Variants in NRXN1 observed in about 807,000 individuals in gnomAD.
NRXN1 encodes the protein neurexin 1.
NRXN1 carries 39 observed loss-of-function variants against 150.9 expected under a neutral mutation model. The ratio of observed to expected loss-of-function variants is 0.26; its 90% CI spans 0.20 to 0.34. The LOEUF is 0.34. Ranked by LOEUF, NRXN1 falls within the 10% of genes least tolerant of loss-of-function variation. The pLI, the probability that NRXN1 is intolerant of heterozygous loss-of-function variation, is 1.00. For missense variants in NRXN1, 1,815 were observed against 1,949.9 expected (o/e 0.93, Z 1.30); for synonymous variants, 924 against 757.0 (o/e 1.22, Z -3.62).
chr2:50,631,649 G>A (rs1390208962), intron 5 of NRXN1, among the ~76,000 whole-genome samples: 2 of 151,910 alleles, frequency 1.3e-5, no homozygotes, highest in South Asian at 4.1e-4. Context: ...CAAAACTCTA[G>A]TACGATAATT....
At chr2:50,573,083 T>C (rs1425256153) in intron 8 of NRXN1, among the ~76,000 whole-genome samples, 2 of 152,156 alleles carry the variant, frequency 1.3e-5, no homozygotes, top group Non-Finnish European at 2.9e-5. Flanking sequence ...TATAAAATTA[T>C]ATCAGTCCAG....
chr2:50,274,031 T>C (rs549101686), intron 17 of NRXN1, among the ~76,000 whole-genome samples: 2 of 152,272 alleles, frequency 1.3e-5, no homozygotes, highest in African/African-American at 2.4e-5. Flanking sequence ...ACTGGGTATA[T>C]ACCCAAAGGA....
intron 12 of NRXN1, among the ~76,000 whole-genome samples, chr2:50,522,173 A>T (rs1276169243): frequency 1.3e-5 from 2 of 152,170 alleles, no homozygotes; most frequent in East Asian, 3.9e-4. Flanking sequence ...AAATAAAAAC[A>T]TCTGGCCAAC....
chr2:50,506,060 G>A (rs1455307748), intron 13 of NRXN1, among the ~76,000 whole-genome samples: 1 of 151,990 alleles, frequency 6.6e-6, no homozygotes, highest in Non-Finnish European at 1.5e-5. Flanking sequence ...ATGAAAAAGT[G>A]TTTCATCTGA....
chr2:50,562,346 G>C (rs1459757500), intron 8 of NRXN1, among the ~76,000 whole-genome samples: 1 of 151,936 alleles, frequency 6.6e-6, no homozygotes. Flanking sequence ...TAGATAGATA[G>C]ATAGATAGAT....
chr2:50,169,996 A>T (rs1042253976), intron 18 of NRXN1, among the ~76,000 whole-genome samples: 2 of 152,100 alleles, frequency 1.3e-5, no homozygotes, highest in Non-Finnish European at 2.9e-5. Flanking sequence ...AAAATCTCAA[A>T]TATTTCTGAT....
At chr2:50,183,536 A>C (rs2060873909) in intron 18 of NRXN1, among the ~76,000 whole-genome samples, 1 of 151,820 alleles carries the variant, frequency 6.6e-6, no homozygotes. Context: ...TAAAAAAAAT[A>C]TATATTTTTA....
chr2:51,009,456 C>G (rs1057063063), intron 2 of NRXN1, among the ~76,000 whole-genome samples: 1 of 151,760 alleles, frequency 6.6e-6, no homozygotes, highest in East Asian at 1.9e-4. Flanking sequence ...CATAATATAT[C>G]GGGACAAAAG....
intron 21 of NRXN1, among the ~76,000 whole-genome samples, chr2:50,005,768 C>A (rs1272131435): frequency 6.6e-6 from 1 of 152,148 alleles, no homozygotes; most frequent in Non-Finnish European, 1.5e-5. Context: ...GCACCAAATT[C>A]TACAGTTCTC....
At chr2:50,249,988 C>T (rs755394911) in intron 17 of NRXN1, among the ~76,000 whole-genome samples, 25 of 152,124 alleles carry the variant, frequency 1.6e-4, no homozygotes, top group Non-Finnish European at 2.8e-4. Flanking sequence ...TAATACCATC[C>T]GCATCAAGTT....
At chr2:50,444,324 TGAAATG>T (rs2086216455) in intron 17 of NRXN1, among the ~76,000 whole-genome samples, 1 of 152,196 alleles carries the variant, frequency 6.6e-6, no homozygotes, top group Non-Finnish European at 1.5e-5. Flanking sequence ...TTTAATTTTC[TGAAATG>T]CAAGGGGATG....
intron 18 of NRXN1, among the ~76,000 whole-genome samples, chr2:50,159,690 T>C (rs1456665252): frequency 6.6e-6 from 1 of 152,152 alleles, no homozygotes; most frequent in Non-Finnish European, 1.5e-5. Flanking sequence ...TTCATTGGTG[T>C]TCTCTGTCTG....
In NRXN1 at chr2:50,559,734, A is replaced by G. The variant is rs150969340; in HGVS notation, c.1321-6709T>C. On this transcript the variant is annotated intron_variant, in intron 8 of 22. Transcript: ENST00000401669. ...GTTAGAATATATGGTATATCTCTCA[A>G]CAGATATATAGATAAGTAGATAATA... 9.8e-5 allele frequency among the ~76,000 whole-genome samples: 15 copies of G among 152,316 alleles called. No individual in the cohort carries two copies. The East Asian group carries it at 2.9e-3, about 29-fold the overall frequency.
At chr2:50,564,955 T>G (rs1313821998) in intron 8 of NRXN1, among the ~76,000 whole-genome samples, 1 of 152,186 alleles carries the variant, frequency 6.6e-6, no homozygotes, top group Admixed American at 6.6e-5. Flanking sequence ...AGAAAATTTT[T>G]GGCAGCATTT....
chr2:50,140,702 T>C (rs1390482669), intron 18 of NRXN1, among the ~76,000 whole-genome samples: 1 of 151,936 alleles, frequency 6.6e-6, no homozygotes, highest in Non-Finnish European at 1.5e-5. Context: ...ATGTTGATGT[T>C]TATGTGAAAC....
chr2:50,585,320 A>T (rs1049661738), intron 8 of NRXN1, among the ~76,000 whole-genome samples: 1 of 152,192 alleles, frequency 6.6e-6, no homozygotes, highest in African/African-American at 2.4e-5. Context: ...TATCTAAAGT[A>T]GTCAACTCCA....
chr2:50,978,267 T>TATAC (rs1368690194), intron 2 of NRXN1, among the ~76,000 whole-genome samples: 4 of 48,512 alleles, frequency 8.2e-5, no homozygotes, highest in African/African-American at 2.4e-4. Flanking sequence ...ATATGGATAT[T>TATAC]ATACATATAT....
rs138397640 is a variant in NRXN1 at position 50,330,548 on chromosome 2, A to C, written c.3365-93578T>G. Among the ~76,000 whole-genome samples, 786 of 152,226 alleles carry C rather than the reference A, an allele frequency of 5.2e-3. 5 individuals carry two copies. Among genetic ancestry groups the C allele is most frequent in the African/African-American group, 0.018 (755 of 41,528 alleles). ...TACTCCTAACCTTCCCCAACCCAGA[A>C]GTTAGTTTCTCTCCATTAAAAAAAT... On this transcript the variant is annotated intron_variant, in intron 17 of 22. Coordinates refer to ENST00000401669, the MANE Select transcript of NRXN1 (RefSeq NM_001330078.2).
chr2:51,012,919 C>G (rs1346984958), intron 2 of NRXN1, among the ~76,000 whole-genome samples: 1 of 151,998 alleles, frequency 6.6e-6, no homozygotes. Flanking sequence ...CCTCTAATCT[C>G]ATCCTCCTCC....
Sources: gnomAD v4.1 joint callset for allele counts (sites outside exome capture counted in the v4.1 genomes callset) on GRCh38, gnomAD v4.1.1 for gene constraint, MANE v1.5 for transcripts, NCBI Gene and HGNC (gene_info 2026-07-23, HGNC 2026-07-21) for gene names.